Variants in XXYLT1 observed in about 807,000 individuals in gnomAD.
XXYLT1 encodes the protein UDP-xylose:alpha-xyloside alpha-1,3-xylosyltransferase.
In XXYLT1, 20 loss-of-function variants were observed where a neutral mutation model predicts 28.9. That is an observed-to-expected ratio of 0.69 (90% confidence interval 0.49 to 1.00). XXYLT1 has a LOEUF of 1.00. XXYLT1 is among the 50% of genes least tolerant of loss of function. XXYLT1 has a pLI of 0.00. For missense variants in XXYLT1, 542 were observed against 560.1 expected (o/e 0.97, Z 0.33); for synonymous variants, 257 against 253.8 (o/e 1.01, Z -0.12).
chr3:195,180,506 C>T lies in XXYLT1; in HGVS notation c.653-23925G>A. On this transcript the variant is annotated intron_variant, in intron 2 of 3. Coordinates refer to ENST00000310380, the MANE Select transcript of XXYLT1 (RefSeq NM_152531.5). This position sits in a 1 kb window ranked among gnomAD's most constrained non-coding sequence, Gnocchi z 5.8. The stretch of plus-strand genomic sequence containing the variant: ...TTTCTTTCTATGCTCCTCTTCCTGG[C>T]TCTGTAGCCCTTGAAAAGAAGCAAA... 2 of 985,512 alleles carry T rather than the reference C, an allele frequency of 2.0e-6. No individual in the cohort carries two copies. Among genetic ancestry groups the T allele is most frequent in the Non-Finnish European group, 2.4e-6 (2 of 829,978 alleles). 61.0% of individuals were successfully genotyped at this position (985,512 alleles called of 1,614,324 possible). A position where few individuals can be genotyped will look rare whatever the true frequency, so the allele number is the denominator to read the frequency against.
intron 2 of XXYLT1, among the ~76,000 whole-genome samples, chr3:195,197,266 G>A (rs753151856): frequency 5.3e-5 from 8 of 152,030 alleles, no homozygotes; most frequent in Non-Finnish European, 1.0e-4. Flanking sequence ...GCGAAACCTC[G>A]TCTCTACTAA....
chr3:195,221,613 T>C (rs928798540), intron 2 of XXYLT1, among the ~76,000 whole-genome samples: 1 of 152,176 alleles, frequency 6.6e-6, no homozygotes, highest in Non-Finnish European at 1.5e-5. Flanking sequence ...CCACAGAGCA[T>C]GCGCCCTAGC....
intron 2 of XXYLT1, among the ~76,000 whole-genome samples, chr3:195,220,375 C>T (rs183364140): frequency 6.6e-6 from 1 of 152,296 alleles, no homozygotes; most frequent in East Asian, 1.9e-4. Flanking sequence ...AACTCCTGAC[C>T]TCAGATGATC....
At chr3:195,075,501 G>A (rs961656287) in intron 3 of XXYLT1, among the ~76,000 whole-genome samples, 3 of 152,226 alleles carry the variant, frequency 2.0e-5, no homozygotes, top group Non-Finnish European at 4.4e-5. Flanking sequence ...CCCAGAAAAG[G>A]GAACTGCTGC....
Position 195,240,983 on chromosome 3 carries a change from C to T in XXYLT1, c.505-14127G>A, listed in dbSNP as rs2108823485. ...ACCTATAGGTAGATCAAACACAATT[C>T]TGAACGGAAGAGGTCTTAATGTATC... On this transcript the variant is annotated intron_variant, in intron 1 of 3. Transcript: ENST00000310380. This position sits in a 1 kb window ranked among gnomAD's most constrained non-coding sequence, Gnocchi z 4.7. 6.6e-6 allele frequency among the ~76,000 whole-genome samples: 1 copy of T among 152,346 alleles called. No individual in the cohort carries two copies. Among genetic ancestry groups the T allele is most frequent in the South Asian group, 2.1e-4 (1 of 4,832 alleles).
chr3:195,095,434 C>T (rs1282844786), intron 3 of XXYLT1: 1 of 153,886 alleles, frequency 6.5e-6, no homozygotes, highest in African/African-American at 2.4e-5. Context: ...GGGGCCAGCA[C>T]AGAACCTGTG....
At chr3:195,137,013 G>C (rs138081003) in intron 3 of XXYLT1, among the ~76,000 whole-genome samples, 1 of 152,164 alleles carries the variant, frequency 6.6e-6, no homozygotes. Context: ...ACTGCAACTC[G>C]TTCGAGTCCT....
intron 3 of XXYLT1, chr3:195,146,780 G>C (rs2108658981): frequency 6.5e-6 from 1 of 152,684 alleles, no homozygotes; most frequent in Non-Finnish European, 1.5e-5. Context: ...CTAGTCACAG[G>C]CGTAATCCCA....
At chr3:195,074,229 A>T (rs1010321870) in intron 3 of XXYLT1, among the ~76,000 whole-genome samples, 1 of 152,138 alleles carries the variant, frequency 6.6e-6, no homozygotes, top group Non-Finnish European at 1.5e-5. Flanking sequence ...GCCTGTGCTG[A>T]CTCAGGCTAA....
chr3:195,109,640 G>T (rs1717367561), intron 3 of XXYLT1, among the ~76,000 whole-genome samples: 1 of 149,660 alleles, frequency 6.7e-6, no homozygotes, highest in South Asian at 2.1e-4. Context: ...TCTGTGTGGT[G>T]TGTGTGGTGT....
intron 2 of XXYLT1, among the ~76,000 whole-genome samples, chr3:195,205,339 T>G (rs576077916): frequency 1.3e-5 from 2 of 152,136 alleles, no homozygotes; most frequent in South Asian, 4.2e-4. Context: ...AATTAAAAAG[T>G]GAATTACTGA....
intron 1 of XXYLT1, chr3:195,247,763 T>C (rs1725089228): frequency 1.4e-6 from 1 of 701,720 alleles, no homozygotes; most frequent in African/African-American, 1.7e-5. Context: ...AGAGGTTTGA[T>C]GGACTCACAG....
chr3:195,203,395 A>C (rs1431433449), intron 2 of XXYLT1, among the ~76,000 whole-genome samples: 1 of 152,152 alleles, frequency 6.6e-6, no homozygotes, highest in Non-Finnish European at 1.5e-5. Flanking sequence ...CACCTATCAA[A>C]TTGGCCTGTA....
intron 2 of XXYLT1, chr3:195,184,892 C>T (rs765914976): frequency 1.8e-5 from 15 of 844,264 alleles, no homozygotes; most frequent in Middle Eastern, 6.0e-4. Flanking sequence ...GTTTGATCCC[C>T]GCATCATCAA....
In XXYLT1 at chr3:195,069,739, G is replaced by C. The variant is rs773751558; in HGVS notation, c.1158C>G (p.Cys386Trp). The part of the protein sequence containing the change: ...EGHVKIYHGN[C>W]NTPIPED ...CCTAGTCCTCCGGGATGGGAGTGTT[G>C]CAGTTCCCGTGGTAGATCTTGACGT... is the stretch of plus-strand genomic sequence containing the variant. Residue 386 changes from cysteine (C) to tryptophan (W), a missense_variant, in exon 4 of 4, where the codon TGC becomes TGG. By Grantham distance (215) the Cys-to-Trp change is radical. Transcript: ENST00000310380. The C allele has an allele frequency of 6.2e-5, 100 of 1,613,408 alleles. No homozygotes were observed. Among genetic ancestry groups the C allele is most frequent in the Non-Finnish European group, 8.2e-5 (97 of 1,179,950 alleles).
At chr3:195,200,104 T>C (rs1722788041) in intron 2 of XXYLT1, among the ~76,000 whole-genome samples, 1 of 152,236 alleles carries the variant, frequency 6.6e-6, no homozygotes, top group Non-Finnish European at 1.5e-5. Context: ...ACATTTCCCA[T>C]AAAGATCTTT....
Position 195,270,224 on chromosome 3 carries a change from G to A in XXYLT1, c.504+331C>T, listed in dbSNP as rs1196264707. 1.9e-5 allele frequency: 11 copies of A among 579,118 alleles called. No homozygotes were observed. The East Asian group carries it at 4.2e-4, about 22-fold the overall frequency. The allele number at this position is 579,118 out of a possible 1,614,324, so 35.9% of individuals were successfully genotyped here. On this transcript the variant is annotated intron_variant, in intron 1 of 3. Transcript: ENST00000310380. ...TCAAAAACTGAGGAACATAAACAGA[G>A]GTGCAGACTCTGAAGGCAGTGCTGA...
intron 2 of XXYLT1, among the ~76,000 whole-genome samples, chr3:195,204,476 ACTCTCTCTCT>A (rs61196221): frequency 7.9e-6 from 1 of 125,864 alleles, no homozygotes; most frequent in Admixed American, 8.3e-5. Flanking sequence ...TCACTCTCTC[ACTCTCTCTCT>A]CTCTCTCTCT....
In XXYLT1 at chr3:195,257,660, G is replaced by A. The variant is rs901715505; in HGVS notation, c.504+12895C>T. Among the ~76,000 whole-genome samples the A allele has an allele frequency of 7.2e-5, 11 of 151,954 alleles. No homozygotes were observed. The highest frequency in any genetic ancestry group is 2.6e-4 in the Admixed American group (4 of 15,264). ...CCCCGTAGCTCTCCCTGTGGCTCCC[G>A]CTCCAGAGTCCTGGCTACTGCTGAC... is the stretch of plus-strand genomic sequence containing the variant. On this transcript the variant is annotated intron_variant, in intron 1 of 3. Coordinates refer to ENST00000310380, the MANE Select transcript of XXYLT1 (RefSeq NM_152531.5). This position sits in a 1 kb window ranked among gnomAD's most constrained non-coding sequence, Gnocchi z 4.3.
Sources: gnomAD v4.1 joint callset for allele counts (sites outside exome capture counted in the v4.1 genomes callset) on GRCh38, gnomAD v4.1.1 for gene constraint, Gnocchi (gnomAD v3.1) non-coding constraint, MANE v1.5 for transcripts, NCBI Gene and HGNC (gene_info 2026-07-23, HGNC 2026-07-21) for gene names.